LPCAT2: variants seen among roughly 807,000 people sequenced by gnomAD.
LPCAT2 encodes the protein 1-AGP acyltransferase 11.
LPCAT2 carries 58 observed loss-of-function variants against 64.7 expected under a neutral mutation model. That is an observed-to-expected ratio of 0.90 (90% CI 0.73 to 1.12). LPCAT2 has a LOEUF of 1.12. Among genes scored for constraint, LPCAT2 ranks in the 50% most tolerant of loss-of-function variants. LPCAT2 has a pLI of 0.00. For synonymous variants in LPCAT2, 252 were observed against 245.3 expected (o/e 1.03, Z -0.26); for missense variants, 579 against 669.8 (o/e 0.86, Z 1.50).
intron 11 of LPCAT2, among the ~76,000 whole-genome samples, chr16:55,569,362 G>T (rs767060019): frequency 6.6e-6 from 1 of 152,192 alleles, no homozygotes; most frequent in Admixed American, 6.5e-5. Context: ...GGAGGCTGCT[G>T]CCAGCAACCA....
intron 1 of LPCAT2, among the ~76,000 whole-genome samples, chr16:55,519,481 C>G (rs1963062591): frequency 6.7e-6 from 1 of 149,608 alleles, no homozygotes; most frequent in Non-Finnish European, 1.5e-5. Flanking sequence ...TGCACTCCAG[C>G]CTGGGAGACA....
At chr16:55,519,442 G>C (rs1453093918) in intron 1 of LPCAT2, among the ~76,000 whole-genome samples, 2 of 150,762 alleles carry the variant, frequency 1.3e-5, no homozygotes, top group African/African-American at 4.9e-5. Flanking sequence ...CTGGGAGGCG[G>C]AGATTGCAGT....
chr16:55,527,837 C>T (rs1490669989), intron 2 of LPCAT2, among the ~76,000 whole-genome samples: 1 of 152,174 alleles, frequency 6.6e-6, no homozygotes, highest in East Asian at 1.9e-4. Context: ...ATACGGATTA[C>T]AAGACTTTTA....
chr16:55,523,483 T>C (rs1441254744), intron 1 of LPCAT2, among the ~76,000 whole-genome samples: 3 of 151,770 alleles, frequency 2.0e-5, no homozygotes, highest in African/African-American at 7.2e-5. Context: ...GATTTGAACA[T>C]TGATGTTCAT....
intron 11 of LPCAT2, among the ~76,000 whole-genome samples, chr16:55,573,964 A>G (rs194177): frequency 0.94 from 142,826 of 152,180 alleles, 67,423 homozygotes; most frequent in East Asian, 0.99. Flanking sequence ...GAATTACAAT[A>G]ATCAATTTCT....
At chr16:55,566,649 A>G (rs1963699973) in intron 11 of LPCAT2, 2 of 1,161,372 alleles carry the variant, frequency 1.7e-6, no homozygotes, top group East Asian at 2.5e-5. Flanking sequence ...CAGTGTAAGC[A>G]GGTAAAGAAA....
At chr16:55,561,276 A>G (rs2142407814) in intron 11 of LPCAT2, among the ~76,000 whole-genome samples, 1 of 151,218 alleles carries the variant, frequency 6.6e-6, no homozygotes, top group East Asian at 1.9e-4. Flanking sequence ...TTTTAATAAC[A>G]TTGTGTCTCA....
At chr16:55,510,224 C>T in intron 1 of LPCAT2, among the ~76,000 whole-genome samples, 1 of 152,102 alleles carries the variant, frequency 6.6e-6, no homozygotes, top group East Asian at 1.9e-4. Flanking sequence ...CACCTAAAAA[C>T]GTTTCCTAAG....
In LPCAT2 at chr16:55,554,190, C is replaced by T. The variant is rs553939433; in HGVS notation, c.1215+3088C>T. Among the ~76,000 whole-genome samples, 34 of 152,214 alleles carry T rather than the reference C, an allele frequency of 2.2e-4. 1 individual carries two copies. Among genetic ancestry groups the T allele is most frequent in the Admixed American group, 1.5e-3 (23 of 15,288 alleles). ...AACTTAAAGCCACCCACTGTATTAG[C>T]CCCTAACAAAAGGATCAGCCTGTCT... On this transcript the variant is annotated intron_variant, in intron 11 of 13. Coordinates refer to ENST00000262134, the MANE Select transcript of LPCAT2 (RefSeq NM_017839.5).
chr16:55,574,811 A>T, intron 12 of LPCAT2, 82 bp downstream of exon 12: 1 of 1,001,414 alleles, frequency 1.0e-6, no homozygotes, highest in Non-Finnish European at 1.6e-6. Flanking sequence ...AAAATCAGTG[A>T]ATCTATTATG....
At chr16:55,567,148 T>C (rs1028755120) in intron 11 of LPCAT2, 1 of 1,613,898 alleles carries the variant, frequency 6.2e-7, no homozygotes, top group Non-Finnish European at 8.5e-7. Context: ...GTGTCTGTCA[T>C]GGACAGTGAC....
At chr16:55,555,976 G>A (rs1963570050) in intron 11 of LPCAT2, among the ~76,000 whole-genome samples, 1 of 151,952 alleles carries the variant, frequency 6.6e-6, no homozygotes, top group South Asian at 2.1e-4. Flanking sequence ...TCCTACACCT[G>A]GCTAATTTTT....
chr16:55,524,848 C>G (rs1963146598), intron 1 of LPCAT2, among the ~76,000 whole-genome samples: 1 of 152,022 alleles, frequency 6.6e-6, no homozygotes, highest in African/African-American at 2.4e-5. Flanking sequence ...TTACTCCTTT[C>G]TGGTATGTAA....
At chr16:55,514,633 T>C (rs1962981549) in intron 1 of LPCAT2, among the ~76,000 whole-genome samples, 1 of 152,192 alleles carries the variant, frequency 6.6e-6, no homozygotes. Flanking sequence ...GTTGCTATAT[T>C]ATTTAAGATG....
At chr16:55,527,052 A>G (rs1596854761) in intron 2 of LPCAT2, among the ~76,000 whole-genome samples, 1 of 152,184 alleles carries the variant, frequency 6.6e-6, no homozygotes, top group African/African-American at 2.4e-5. Flanking sequence ...TTACATGAGT[A>G]GAAATCTCAT....
intron 11 of LPCAT2, among the ~76,000 whole-genome samples, chr16:55,559,667 A>AT (rs1445349598): frequency 2.7e-4 from 41 of 152,076 alleles, no homozygotes; most frequent in Non-Finnish European, 4.6e-4. Flanking sequence ...TATGTAATAC[A>AT]GTATTTCATA....
chr16:55,566,146 C>G (rs190137531), intron 11 of LPCAT2, among the ~76,000 whole-genome samples: 4 of 152,074 alleles, frequency 2.6e-5, no homozygotes, highest in Non-Finnish European at 5.9e-5. Flanking sequence ...TTAGCAATGT[C>G]GATCACAGAC....
chr16:55,510,015 G>C (rs1265715817), intron 1 of LPCAT2, among the ~76,000 whole-genome samples: 1 of 48,770 alleles, frequency 2.1e-5, no homozygotes, highest in African/African-American at 5.1e-5. Context: ...TTTTGCCTTA[G>C]GAAGGAGAGG....
intron 12 of LPCAT2, among the ~76,000 whole-genome samples, chr16:55,578,165 G>C (rs1320604083): frequency 6.6e-6 from 1 of 152,128 alleles, no homozygotes; most frequent in Non-Finnish European, 1.5e-5. Context: ...TACCTCAGCT[G>C]TTGCTGTTCC....
Sources: gnomAD v4.1 joint callset for allele counts (sites outside exome capture counted in the v4.1 genomes callset) on GRCh38, gnomAD v4.1.1 for gene constraint, MANE v1.5 for transcripts, NCBI Gene and HGNC (gene_info 2026-07-23, HGNC 2026-07-21) for gene names.